The following SYN3 variants were observed in gnomAD, a reference collection of about 807,000 sequenced individuals.
The protein encoded by SYN3 is synapsin-3.
A neutral mutation model predicts 65.8 loss-of-function variants in SYN3; 35 were observed. That is an observed-to-expected ratio of 0.53 (90% confidence interval 0.41 to 0.70). The LOEUF is 0.70. Ranked by LOEUF, SYN3 falls within the 30% of genes least tolerant of loss-of-function variation. The pLI, the probability that SYN3 is intolerant of heterozygous loss-of-function variation, is 0.00. For missense variants in SYN3, 680 were observed against 749.0 expected (o/e 0.91, Z 1.08); for synonymous variants, 270 against 292.9 (o/e 0.92, Z 0.80).
chr22:32,744,514 G>C (rs1363495433), intron 6 of SYN3, among the ~76,000 whole-genome samples: 1 of 152,178 alleles, frequency 6.6e-6, no homozygotes, highest in Non-Finnish European at 1.5e-5. Context: ...AGTGTGCTAA[G>C]AAATTCATCT....
chr22:32,584,037 C>CATGGG (rs2058987464), intron 7 of SYN3: 1 of 152,188 alleles, frequency 6.6e-6, no homozygotes, highest in African/African-American at 2.4e-5. Context: ...ATTTCCCTGT[C>CATGGG]CCATGACTTT....
chr22:32,594,545 T>C (rs1399826747), intron 7 of SYN3, among the ~76,000 whole-genome samples: 2 of 151,802 alleles, frequency 1.3e-5, no homozygotes, highest in Non-Finnish European at 2.9e-5. Context: ...TGGAGTGCAA[T>C]GGCGTGATCT....
intron 6 of SYN3, among the ~76,000 whole-genome samples, chr22:32,702,235 T>C (rs1009120174): frequency 1.1e-4 from 17 of 152,176 alleles, no homozygotes; most frequent in Non-Finnish European, 5.9e-5. Flanking sequence ...CCCAGCACTT[T>C]GGGAGGCTGA....
At chr22:32,808,804 T>C (rs2046834340) in intron 6 of SYN3, among the ~76,000 whole-genome samples, 2 of 152,292 alleles carry the variant, frequency 1.3e-5, no homozygotes, top group South Asian at 4.1e-4. Flanking sequence ...ACACCATCTC[T>C]AGTAAAACCC....
chr22:32,861,734 GA>G (rs1214730338), intron 6 of SYN3: 2 of 152,454 alleles, frequency 1.3e-5, no homozygotes, highest in Non-Finnish European at 2.9e-5. Context: ...TTCGCAAAGC[GA>G]TGTCAGAGGG....
intron 6 of SYN3, chr22:32,860,247 C>G (rs2048498291): frequency 6.6e-6 from 1 of 152,314 alleles, no homozygotes; most frequent in African/African-American, 2.4e-5. Flanking sequence ...GTAGATTTGG[C>G]CAGGAGCTTT....
chr22:32,554,424 T>G (rs1601621970), intron 7 of SYN3, among the ~76,000 whole-genome samples: 1 of 152,202 alleles, frequency 6.6e-6, no homozygotes, highest in East Asian at 1.9e-4. Context: ...ACTTGTCTGT[T>G]AATATATTTA....
chr22:32,822,155 CA>C lies in SYN3; in HGVS notation c.711+42759del, dbSNP rs35312009. Reference sequence around the variant, plus strand: ...GGGCAACAAGAGCAAAACTCCATCTCAAAAAAAAAAAAAAAAAAAGAAGTTG... The same window carrying C: ...GGGCAACAAGAGCAAAACTCCATCTCAAAAAAAAAAAAAAAAAAGAAGTTG... On this transcript the variant is annotated intron_variant, in intron 6 of 13. Coordinates refer to ENST00000358763, the MANE Select transcript of SYN3 (RefSeq NM_003490.4). Among the ~76,000 whole-genome samples the C allele has an allele frequency of 6.2e-3, 674 of 108,272 alleles. 2 individuals are homozygous for C. Among genetic ancestry groups the C allele is most frequent in the African/African-American group, 0.016 (403 of 25,488 alleles). 71.0% of individuals were successfully genotyped at this position (108,272 alleles called of 152,430 possible). A position where few individuals can be genotyped will look rare whatever the true frequency, so the allele number is the denominator to read the frequency against.
chr22:32,609,881 G>A (rs1361650812), intron 6 of SYN3, among the ~76,000 whole-genome samples: 4 of 152,108 alleles, frequency 2.6e-5, no homozygotes, highest in Admixed American at 1.3e-4. Flanking sequence ...GATGGTGCCC[G>A]AATTTTTAAA....
At chr22:32,834,232 A>G (rs886779252) in intron 6 of SYN3, among the ~76,000 whole-genome samples, 29 of 151,794 alleles carry the variant, frequency 1.9e-4, no homozygotes, top group African/African-American at 7.0e-4. Context: ...GGCTCACTGC[A>G]GCCTCCGCCT....
intron 6 of SYN3, among the ~76,000 whole-genome samples, chr22:32,712,657 T>C (rs1034289867): frequency 2.6e-5 from 4 of 152,202 alleles, no homozygotes; most frequent in Non-Finnish European, 4.4e-5. Flanking sequence ...TCCACTGCAA[T>C]TGAAATACCA....
chr22:32,603,523 G>A (rs1396576709), intron 6 of SYN3, among the ~76,000 whole-genome samples: 2 of 130,842 alleles, frequency 1.5e-5, no homozygotes, highest in Non-Finnish European at 3.1e-5. Context: ...CCGAGACTCC[G>A]TCTCAAAAAA....
rs914184256 is a variant in SYN3, at chr22:32,937,181, G to A, written c.370-5700C>T. Among the ~76,000 whole-genome samples, 20 of 152,182 alleles carry A rather than the reference G, an allele frequency of 1.3e-4. 1 individual carries two copies. Among genetic ancestry groups the A allele is most frequent in the Admixed American group, 6.5e-5 (1 of 15,278 alleles). On this transcript the variant is annotated intron_variant, in intron 3 of 13. Coordinates refer to ENST00000358763, the MANE Select transcript of SYN3 (RefSeq NM_003490.4). ...CGTGGAAATGGAGAGATGATGGGAA[G>A]AGCAGAAATGGAAGTTAAAACAACT...
At chr22:32,734,065 G>A (rs901403677) in intron 6 of SYN3, among the ~76,000 whole-genome samples, 4 of 152,160 alleles carry the variant, frequency 2.6e-5, no homozygotes, top group Non-Finnish European at 4.4e-5. Context: ...GGCCACTGCT[G>A]TCATGGTCTG....
intron 5 of SYN3, among the ~76,000 whole-genome samples, chr22:32,867,732 G>A (rs1426256670): frequency 2.0e-5 from 3 of 152,116 alleles, no homozygotes; most frequent in Admixed American, 1.3e-4. Flanking sequence ...ACAGGTGCAC[G>A]CCACCACGCC....
chr22:32,628,334 T>A (rs963934452), intron 6 of SYN3, among the ~76,000 whole-genome samples: 9 of 152,166 alleles, frequency 5.9e-5, no homozygotes, highest in Admixed American at 3.9e-4. Context: ...GTTTGAATTC[T>A]TCTTTCACAA....
intron 2 of SYN3, among the ~76,000 whole-genome samples, chr22:32,993,137 C>A (rs1336035904): frequency 2.0e-5 from 3 of 152,104 alleles, no homozygotes; most frequent in Non-Finnish European, 4.4e-5. Context: ...TTCCTGCCAC[C>A]TAGATCTGTA....
intron 6 of SYN3, among the ~76,000 whole-genome samples, chr22:32,696,563 C>T (rs1601931477): frequency 6.6e-6 from 1 of 152,182 alleles, no homozygotes; most frequent in African/African-American, 2.4e-5. Context: ...TATGTCTTTT[C>T]CACCCATCTG....
intron 4 of SYN3, 199 bp downstream of exon 4, chr22:32,931,191 G>A: frequency 2.0e-6 from 1 of 508,890 alleles, no homozygotes; most frequent in Non-Finnish European, 3.6e-6. Context: ...GGGCTCACTT[G>A]GGGACACCAC....
Sources: gnomAD v4.1 joint callset for allele counts (sites outside exome capture counted in the v4.1 genomes callset) on GRCh38, gnomAD v4.1.1 for gene constraint, MANE v1.5 for transcripts, NCBI Gene and HGNC (gene_info 2026-07-23, HGNC 2026-07-21) for gene names.